Variants in DNAJC5B observed in about 807,000 individuals in gnomAD.
DNAJC5B encodes the protein dnaJ homolog subfamily C member 5B.
A neutral mutation model predicts 24.7 loss-of-function variants in DNAJC5B; 23 were observed. The ratio of observed to expected loss-of-function variants is 0.93; its 90% confidence interval spans 0.67 to 1.32. DNAJC5B has a LOEUF of 1.32. Among genes scored for constraint, DNAJC5B ranks in the 40% most tolerant of loss-of-function variants. The pLI is 0.00. For missense variants in DNAJC5B, 238 were observed against 240.8 expected, an observed-to-expected ratio of 0.99 and a Z score of 0.08; for synonymous variants, 101 against 90.1, an observed-to-expected ratio of 1.12 and a Z score of -0.68.
chr8:66,045,425 T>G (rs1806701983), intron 2 of DNAJC5B, among the ~76,000 whole-genome samples: 1 of 152,230 alleles, frequency 6.6e-6, no homozygotes, highest in Non-Finnish European at 1.5e-5. Flanking sequence ...GAATTTCATT[T>G]AGTGGGAATA....
chr8:66,071,005 A>G lies in DNAJC5B; in HGVS notation c.120-5655A>G, dbSNP rs372827436. ...GGGAAAACTGGCTAACCATATGCAG[A>G]AAACTGAAACTGGACCCCTTCCTTA... On this transcript the variant is annotated intron_variant, in intron 3 of 5. Coordinates refer to ENST00000276570, the MANE Select transcript of DNAJC5B (RefSeq NM_033105.6). Among the ~76,000 whole-genome samples, 7 of 152,348 alleles carry G rather than the reference A, an allele frequency of 4.6e-5. 1 individual carries two copies. In the East Asian group the frequency reaches 7.7e-4, roughly 17 times the overall value.
At chr8:66,044,153 T>C (rs1251321058) in intron 2 of DNAJC5B, among the ~76,000 whole-genome samples, 2 of 152,168 alleles carry the variant, frequency 1.3e-5, no homozygotes, top group African/African-American at 4.8e-5. Flanking sequence ...GTAATCCTGC[T>C]AGGGAGAATT....
chr8:66,048,149 C>T (rs1459940853), intron 2 of DNAJC5B, among the ~76,000 whole-genome samples: 1 of 152,206 alleles, frequency 6.6e-6, no homozygotes, highest in African/African-American at 2.4e-5. Context: ...CCCAGCTGCT[C>T]ACCCTCACTC....
At chr8:66,081,466 T>C (rs1482967850) in intron 5 of DNAJC5B, among the ~76,000 whole-genome samples, 1 of 152,158 alleles carries the variant, frequency 6.6e-6, no homozygotes, top group Non-Finnish European at 1.5e-5. Context: ...AGTGGCCCAT[T>C]TTTGTCAGAA....
chr8:66,062,515 A>T (rs1393211259), intron 3 of DNAJC5B, among the ~76,000 whole-genome samples: 2 of 152,266 alleles, frequency 1.3e-5, no homozygotes, highest in Non-Finnish European at 2.9e-5. Context: ...ACACCAATAC[A>T]TACATTTTTG....
rs145189804 is a variant in DNAJC5B at position 66,100,264 on chromosome 8, AT to A, written c.*237del. 25,799 of 435,368 alleles carry A rather than the reference AT, an allele frequency of 0.059. 1,453 individuals are homozygous for A. Among genetic ancestry groups the A allele is most frequent in the African/African-American group, 0.2 (10,166 of 50,616 alleles). 27.0% of individuals were successfully genotyped at this position (435,368 alleles called of 1,614,324 possible). A position where few individuals can be genotyped will look rare whatever the true frequency, so the allele number is the denominator to read the frequency against. On this transcript the variant is annotated 3_prime_UTR_variant, in exon 6 of 6. Coordinates refer to ENST00000276570, the MANE Select transcript of DNAJC5B (RefSeq NM_033105.6). The stretch of plus-strand genomic sequence containing the variant: ...TGGGTGAATAAAGGCCTGAAGAGTT[AT>A]TTTACCCTCCTTGCCTGATGTAGGA...
intron 1 of DNAJC5B, among the ~76,000 whole-genome samples, chr8:66,036,551 G>C (rs987661736): frequency 9.2e-5 from 14 of 152,104 alleles, no homozygotes; most frequent in Admixed American, 5.9e-4. Context: ...TGTTTTCCTC[G>C]GCAGCTCTCG....
intron 1 of DNAJC5B, among the ~76,000 whole-genome samples, chr8:66,038,951 C>CTTTACTTAACCAAAAG (rs1806546669): frequency 1.3e-5 from 2 of 152,232 alleles, no homozygotes; most frequent in South Asian, 2.1e-4. Flanking sequence ...AGATTCTGAG[C>CTTTACTTAACCAAAAG]TTTACTTAAC....
At chr8:66,088,194 A>G (rs1586115894) in intron 5 of DNAJC5B, among the ~76,000 whole-genome samples, 1 of 152,160 alleles carries the variant, frequency 6.6e-6, no homozygotes, top group African/African-American at 2.4e-5. Flanking sequence ...CCAAGATTTG[A>G]GGCACCCTCT....
chr8:66,052,177 C>T (rs1307225475), intron 3 of DNAJC5B, among the ~76,000 whole-genome samples: 6 of 149,534 alleles, frequency 4.0e-5, no homozygotes, highest in Non-Finnish European at 8.9e-5. Context: ...AGGCTGGTCT[C>T]GAACTCCTGA....
Position 66,053,347 on chromosome 8 carries a change from T to C in DNAJC5B, c.119+1681T>C, listed in dbSNP as rs555257047. 7.2e-5 allele frequency among the ~76,000 whole-genome samples: 11 copies of C among 152,254 alleles called. No individual in the cohort carries two copies. In the South Asian group the frequency reaches 8.3e-4, roughly 11 times the overall value. On this transcript the variant is annotated intron_variant, in intron 3 of 5. Coordinates refer to ENST00000276570, the MANE Select transcript of DNAJC5B (RefSeq NM_033105.6). Reference sequence around the variant, plus strand: ...AGGAAGGACATGGTGATAACAGAAATAGTGGAATAATTTGTGCTTGTAAAC... The same window carrying C: ...AGGAAGGACATGGTGATAACAGAAACAGTGGAATAATTTGTGCTTGTAAAC...
intron 5 of DNAJC5B, among the ~76,000 whole-genome samples, chr8:66,081,128 G>A (rs766028331): frequency 4.6e-5 from 7 of 152,102 alleles, no homozygotes; most frequent in South Asian, 2.1e-4. Flanking sequence ...ACCCACCTCC[G>A]TGTGTCCATG....
chr8:66,098,258 A>G (rs1807996936), intron 5 of DNAJC5B, among the ~76,000 whole-genome samples: 1 of 152,106 alleles, frequency 6.6e-6, no homozygotes, highest in Non-Finnish European at 1.5e-5. Flanking sequence ...GCTGGAGTGC[A>G]GTGGCGTGAT....
At chr8:66,018,119 G>T (rs1806002107), upstream of DNAJC5B, among the ~76,000 whole-genome samples, 3 of 152,262 alleles carry the variant, frequency 2.0e-5, no homozygotes, top group South Asian at 6.2e-4. Context: ...TCAAAGTCTG[G>T]TGTCCACCAT....
intron 3 of DNAJC5B, among the ~76,000 whole-genome samples, chr8:66,073,188 A>T (rs933806564): frequency 6.6e-6 from 1 of 152,158 alleles, no homozygotes; most frequent in Admixed American, 6.5e-5. Context: ...TTGGAAGAAT[A>T]AAAAAATCAA....
intron 5 of DNAJC5B, among the ~76,000 whole-genome samples, chr8:66,095,658 G>GACACACACACACACAC (rs10566337): frequency 6.8e-6 from 1 of 146,638 alleles, no homozygotes; most frequent in South Asian, 2.2e-4. Flanking sequence ...ACTTTAGCTT[G>GACACACACACACACAC]ACACACACAC....
chr8:66,017,695 T>C (rs1162936136), upstream of DNAJC5B, among the ~76,000 whole-genome samples: 1 of 152,238 alleles, frequency 6.6e-6, no homozygotes, highest in African/African-American at 2.4e-5. Context: ...ATGCTGACAC[T>C]GGTTTCCAGT....
At chr8:66,022,864 A>G (rs1179207857) in intron 1 of DNAJC5B, among the ~76,000 whole-genome samples, 1 of 152,210 alleles carries the variant, frequency 6.6e-6, no homozygotes, top group Non-Finnish European at 1.5e-5. Flanking sequence ...ACCACTTAAG[A>G]CTTGAACATT....
chr8:66,092,062 G>A (rs147936326), intron 5 of DNAJC5B, among the ~76,000 whole-genome samples: 1,581 of 152,240 alleles, frequency 0.01, 25 homozygotes, highest in Admixed American at 0.027. Context: ...TTCCCTTTTG[G>A]GGAGATAAAA....
Sources: gnomAD v4.1 joint callset for allele counts (sites outside exome capture counted in the v4.1 genomes callset) on GRCh38, gnomAD v4.1.1 for gene constraint, MANE v1.5 for transcripts, NCBI Gene and HGNC (gene_info 2026-07-23, HGNC 2026-07-21) for gene names.